RAB11FIP4: variants seen among roughly 807,000 people sequenced by gnomAD.
RAB11FIP4 encodes rab11 family-interacting protein 4.
Under a neutral mutation model 74.3 loss-of-function variants are expected in RAB11FIP4, and 23 were observed. The ratio of observed to expected loss-of-function variants is 0.31; its 90% confidence interval spans 0.22 to 0.44. RAB11FIP4 has a LOEUF of 0.44. Among genes scored for constraint, RAB11FIP4 ranks in the 20% least tolerant of loss-of-function variants. The pLI is 1.00. For synonymous variants in RAB11FIP4, 360 were observed against 359.9 expected (o/e 1.00, Z 0.00); for missense variants, 630 against 863.9 (o/e 0.73, Z 3.39).
chr17:31,533,133 G>T lies in RAB11FIP4; in HGVS notation c.*1401G>T, dbSNP rs1263509832. On this transcript the variant is annotated 3_prime_UTR_variant, in exon 15 of 15. Transcript: ENST00000621161. ...TTTGGGCATGTTGGGAAGGGCGGTGGAGGGGGAGTTGCAGAAAGAGAGGGC... is the reference window on the plus strand; with the variant it reads ...TTTGGGCATGTTGGGAAGGGCGGTGTAGGGGGAGTTGCAGAAAGAGAGGGC... 6.6e-6 allele frequency: 1 copy of T among 152,372 alleles called. No individual in the cohort carries two copies. The allele number at this position is 152,372 out of a possible 1,614,324, so 9.4% of individuals were successfully genotyped here.
intron 1 of RAB11FIP4, among the ~76,000 whole-genome samples, chr17:31,421,254 C>G (rs936677940): frequency 6.6e-6 from 1 of 151,774 alleles, no homozygotes; most frequent in African/African-American, 2.4e-5. Flanking sequence ...CAGTCTCGCT[C>G]TGTTGCCCAG....
chr17:31,424,020 G>A (rs779944982), intron 1 of RAB11FIP4, among the ~76,000 whole-genome samples: 23 of 152,076 alleles, frequency 1.5e-4, no homozygotes, highest in Non-Finnish European at 7.4e-5. Context: ...TCTCCCACTC[G>A]ATTTTTCCCA....
At chr17:31,425,608 A>T (rs902079468) in intron 1 of RAB11FIP4, among the ~76,000 whole-genome samples, 17 of 152,246 alleles carry the variant, frequency 1.1e-4, no homozygotes, top group African/African-American at 4.1e-4. Flanking sequence ...TCAAAGAGAA[A>T]GGCAACAGAA....
Position 31,531,750 on chromosome 17 carries a change from A to G in RAB11FIP4, c.*18A>G, listed in dbSNP as rs200988611. 493 of 1,547,748 alleles carry G rather than the reference A, an allele frequency of 3.2e-4. 4 individuals are homozygous for G. In the South Asian group the frequency reaches 5.2e-3, roughly 16 times the overall value. On this transcript the variant is annotated 3_prime_UTR_variant, in exon 15 of 15. Coordinates refer to ENST00000621161, the MANE Select transcript of RAB11FIP4 (RefSeq NM_032932.6). ...AACACTAAGGCACGGGGCTGGCTGC[A>G]GAGCAGCCTTAGGACCCTGGGACCA...
chr17:31,528,352 T>A lies in RAB11FIP4; in HGVS notation c.1357-54T>A, dbSNP rs936421328. 5.7e-6 allele frequency: 9 copies of A among 1,582,706 alleles called. No homozygotes were observed. The Admixed American group carries it at 1.2e-4, about 22-fold the overall frequency. Reference sequence around the variant, plus strand: ...CAGACCCCAGGGACACCCCTGGACATAGTGAGCCCCTCTCTGGGAACTCTC... The same window carrying A: ...CAGACCCCAGGGACACCCCTGGACAAAGTGAGCCCCTCTCTGGGAACTCTC... On this transcript the variant is annotated intron_variant, in intron 11 of 14. Transcript: ENST00000621161.
At chr17:31,417,725 A>G (rs557402753) in intron 1 of RAB11FIP4, among the ~76,000 whole-genome samples, 1 of 152,176 alleles carries the variant, frequency 6.6e-6, no homozygotes, top group Non-Finnish European at 1.5e-5. Flanking sequence ...TTCCCTTTCT[A>G]AAGAGTGTGC....
chr17:31,455,993 C>T (rs928783947), intron 3 of RAB11FIP4, among the ~76,000 whole-genome samples: 2 of 152,248 alleles, frequency 1.3e-5, no homozygotes, highest in African/African-American at 4.8e-5. Flanking sequence ...CAGTCATCTT[C>T]AGCATCTTCA....
chr17:31,480,696 G>A (rs1348875510), intron 3 of RAB11FIP4, among the ~76,000 whole-genome samples: 9 of 149,616 alleles, frequency 6.0e-5, no homozygotes, highest in East Asian at 2.0e-4. Flanking sequence ...GCTGAGGCAC[G>A]AGTATCGCTT....
chr17:31,518,486 A>T (rs1299624567), intron 4 of RAB11FIP4: 1 of 152,630 alleles, frequency 6.6e-6, no homozygotes, highest in Non-Finnish European at 1.5e-5. Context: ...CTGAGGCAGG[A>T]GGATCACTTA....
At position 31,519,767 on chromosome 17, in the gene RAB11FIP4, G is replaced by C. The variant is rs559827613; in HGVS notation, c.564-1399G>C. The stretch of plus-strand genomic sequence containing the variant: ...GTTTCTCAAACTCAAGTGATTCTCA[G>C]AGTCCTGATGTTCTTGGTGGGGCCC... On this transcript the variant is annotated intron_variant, in intron 4 of 14. Coordinates refer to ENST00000621161, the MANE Select transcript of RAB11FIP4 (RefSeq NM_032932.6). Among the ~76,000 whole-genome samples the C allele has an allele frequency of 1.8e-4, 28 of 152,174 alleles. 1 individual carries two copies. Among genetic ancestry groups the C allele is most frequent in the Admixed American group, 1.7e-3 (26 of 15,290 alleles).
intron 1 of RAB11FIP4, among the ~76,000 whole-genome samples, chr17:31,415,245 G>A (rs2071135854): frequency 6.6e-6 from 1 of 152,274 alleles, no homozygotes; most frequent in Non-Finnish European, 1.5e-5. Flanking sequence ...GGTCAGACAG[G>A]AGGTGGGCAC....
At chr17:31,482,839 G>C (rs2071862620) in intron 3 of RAB11FIP4, among the ~76,000 whole-genome samples, 1 of 152,116 alleles carries the variant, frequency 6.6e-6, no homozygotes, top group South Asian at 2.1e-4. Flanking sequence ...AAGTACTTGT[G>C]GTAAAGTCCT....
Position 31,536,597 on chromosome 17 carries a change from G to A in RAB11FIP4, c.*4865G>A, listed in dbSNP as rs1177159076. On this transcript the variant is annotated 3_prime_UTR_variant, in exon 15 of 15. Coordinates refer to ENST00000621161, the MANE Select transcript of RAB11FIP4 (RefSeq NM_032932.6). ...TGACGCTGCTGGCTAGGAAGACTGA[G>A]GTCTGCTGCGCCAAGGGGCCTCAAG... 6.0e-6 allele frequency: 1 copy of A among 167,208 alleles called. No individual in the cohort carries two copies. Among genetic ancestry groups the A allele is most frequent in the East Asian group, 1.6e-4 (1 of 6,182 alleles). The allele number at this position is 167,208 out of a possible 1,614,324, so 10.4% of individuals were successfully genotyped here. A position where few individuals can be genotyped will look rare whatever the true frequency, so the allele number is the denominator to read the frequency against.
At chr17:31,394,174 A>G (rs2070905062) in intron 1 of RAB11FIP4, among the ~76,000 whole-genome samples, 1 of 152,232 alleles carries the variant, frequency 6.6e-6, no homozygotes, top group African/African-American at 2.4e-5. Flanking sequence ...CAAGCAAAAT[A>G]AAAAGTATTG....
Position 31,521,308 on chromosome 17 carries a change from G to C in RAB11FIP4, c.706G>C (p.Asp236His). ...TGCCCCCAGCAGCCCTTGCCCCGATGATGAGACCAGGACCAACGTCTACTC... is the reference window on the plus strand; with the variant it reads ...TGCCCCCAGCAGCCCTTGCCCCGATCATGAGACCAGGACCAACGTCTACTC... ...DCAPSSPCPD[D>H]ETRTNVYSDL... Residue 236 changes from aspartate (D) to histidine (H), a missense_variant, in exon 5 of 15, where the codon GAT (aspartate) becomes CAT (histidine). Physicochemically the swap from Asp to His is moderately conservative, Grantham distance 81 (BLOSUM62 -1). Transcript: ENST00000621161. The C allele has an allele frequency of 1.9e-6, 3 of 1,614,028 alleles. No individual in the cohort carries two copies. Among genetic ancestry groups the C allele is most frequent in the Non-Finnish European group, 2.5e-6 (3 of 1,179,928 alleles).
Position 31,531,793 on chromosome 17 carries a change from A to G in RAB11FIP4, c.*61A>G, listed in dbSNP as rs770987320. On this transcript the variant is annotated 3_prime_UTR_variant, in exon 15 of 15. Coordinates refer to ENST00000621161, the MANE Select transcript of RAB11FIP4 (RefSeq NM_032932.6). ...TGGGACCAAGGGCAGACCCTGCCCA[A>G]GGATGCAGGCCTAAGCCGGGCCTCA... The G allele has an allele frequency of 2.7e-6, 3 of 1,105,970 alleles. No individual in the cohort carries two copies. The highest frequency in any genetic ancestry group is 2.8e-6 in the Non-Finnish European group (2 of 724,326). The allele number at this position is 1,105,970 out of a possible 1,614,324, so 68.5% of individuals were successfully genotyped here.
rs137860741 is a variant in RAB11FIP4, at chr17:31,422,910, T to C, written c.160-8903T>C. 1.1e-3 allele frequency among the ~76,000 whole-genome samples: 166 copies of C among 151,620 alleles called. 3 individuals carry two copies. The East Asian group carries it at 0.025, about 23-fold the overall frequency. ...CATCTTAGCATTGGTATCTATCTAT[T>C]GATTGCCTTTTTTTTTTTTTTTTTT... On this transcript the variant is annotated intron_variant, in intron 1 of 14. Transcript: ENST00000621161.
At chr17:31,487,542 A>C (rs185347915) in intron 3 of RAB11FIP4, among the ~76,000 whole-genome samples, 2 of 151,890 alleles carry the variant, frequency 1.3e-5, no homozygotes, top group African/African-American at 2.4e-5. Context: ...TTCCGACTTC[A>C]CATGAAAAGG....
chr17:31,467,274 G>A (rs905282022), intron 3 of RAB11FIP4, among the ~76,000 whole-genome samples: 1 of 151,892 alleles, frequency 6.6e-6, no homozygotes. Context: ...ACCACACCCA[G>A]CTAATTTTTG....
Sources: allele counts gnomAD v4.1 joint callset (sites outside exome capture counted in the v4.1 genomes callset), GRCh38; gene constraint gnomAD v4.1.1; transcripts MANE v1.5; gene names NCBI Gene and HGNC (gene_info 2026-07-23, HGNC 2026-07-21).